ZNF638: variants seen among roughly 807,000 people sequenced by gnomAD.
ZNF638 encodes zinc finger protein 638, also known as CTCL tumor antigen se33-1.
In ZNF638, 46 loss-of-function variants were observed where a neutral mutation model predicts 195.6. That is an observed-to-expected ratio of 0.24 (90% CI 0.19 to 0.30). The LOEUF (loss-of-function observed/expected upper bound fraction) is 0.30, where lower values mean the gene tolerates loss of function less well. Among genes scored for constraint, ZNF638 ranks in the 10% least tolerant of loss-of-function variants. The pLI, the probability that ZNF638 is intolerant of heterozygous loss-of-function variation, is 1.00. For synonymous variants in ZNF638, 845 were observed against 772.0 expected, an observed-to-expected ratio of 1.09 and a Z score of -1.57; for missense variants, 2,440 against 2,325.3, an observed-to-expected ratio of 1.05 and a Z score of -1.01.
At chr2:71,335,817 CAG>C (rs1439268827) in intron 1 of ZNF638, among the ~76,000 whole-genome samples, 2 of 152,156 alleles carry the variant, frequency 1.3e-5, no homozygotes, top group African/African-American at 4.8e-5. Flanking sequence ...GATATTCAGA[CAG>C]ATATCAAATT....
At chr2:71,383,077 C>G (rs1054015824) in intron 10 of ZNF638, among the ~76,000 whole-genome samples, 5 of 152,204 alleles carry the variant, frequency 3.3e-5, no homozygotes, top group Admixed American at 1.3e-4. Context: ...AATCCCAGCA[C>G]TTTGGGAGTT....
chr2:71,427,850 C>G (rs928011569), intron 24 of ZNF638, among the ~76,000 whole-genome samples: 12 of 152,200 alleles, frequency 7.9e-5, no homozygotes, highest in African/African-American at 2.9e-4. Context: ...CAGAATAGTA[C>G]GGCAGCTCAC....
intron 25 of ZNF638, chr2:71,431,053 A>T (rs532127111): frequency 1.5e-5 from 4 of 271,736 alleles, no homozygotes; most frequent in Non-Finnish European, 2.9e-5. Flanking sequence ...CAGTAATGAT[A>T]GGACTTGTAT....
chr2:71,361,896 C>CT lies in ZNF638; in HGVS notation c.1380-1256dup, dbSNP rs551085220. ...TGTGGGGTTAGCTCATTAACAATGT[C>CT]TGAGGCAAATAGCAACCAAGACAAA... is the stretch of plus-strand genomic sequence containing the variant. On this transcript the variant is annotated intron_variant, in intron 3 of 27. Coordinates refer to ENST00000264447, the MANE Select transcript of ZNF638 (RefSeq NM_014497.5). Among the ~76,000 whole-genome samples, 5 of 152,294 alleles carry CT rather than the reference C, an allele frequency of 3.3e-5. No individual in the cohort carries two copies. In the South Asian group the frequency reaches 1.0e-3, roughly 32 times the overall value.
In ZNF638 at chr2:71,359,308, A is replaced by G. The variant is rs370912525; in HGVS notation, c.1379+3528A>G. On this transcript the variant is annotated intron_variant, in intron 3 of 27. Transcript: ENST00000264447. ...ATAGCATAATTCTCAGTCTGAGGCA[A>G]AAGGCCCTATAGCCCCAGGAGCCTG... Among the ~76,000 whole-genome samples the G allele has an allele frequency of 3.9e-5, 6 of 152,206 alleles. No individual in the cohort carries two copies. The South Asian group carries it at 8.3e-4, about 21-fold the overall frequency.
intron 23 of ZNF638, among the ~76,000 whole-genome samples, chr2:71,425,804 G>C (rs1348369412): frequency 3.3e-5 from 5 of 151,812 alleles, no homozygotes; most frequent in African/African-American, 2.4e-5. Flanking sequence ...CGAGTAGCTG[G>C]GTGGCATCTG....
intron 10 of ZNF638, 183 bp downstream of exon 10, chr2:71,380,748 T>G: frequency 2.2e-6 from 1 of 447,098 alleles, no homozygotes; most frequent in Non-Finnish European, 3.9e-6. Context: ...ACAGAATCAC[T>G]TCTGGAGTAA....
chr2:71,408,340 TAG>T, intron 20 of ZNF638, 93 bp downstream of exon 20: 1 of 1,390,598 alleles, frequency 7.2e-7, no homozygotes, highest in Non-Finnish European at 9.6e-7. Flanking sequence ...TTTCTGTGTT[TAG>T]AGATGATTTT....
chr2:71,390,021 C>G (rs998590196), intron 10 of ZNF638, among the ~76,000 whole-genome samples: 1 of 152,192 alleles, frequency 6.6e-6, no homozygotes. Flanking sequence ...AAATTGTTTT[C>G]TGTGTGGAGA....
Position 71,423,369 on chromosome 2 carries a change from A to AGGG in ZNF638, c.3857_3858insGGG (p.Gly1286dup). The AGGG allele has an allele frequency of 6.2e-7, 1 of 1,613,996 alleles. No individual in the cohort carries two copies. Among genetic ancestry groups the AGGG allele is most frequent in the South Asian group, 1.1e-5 (1 of 91,074 alleles). ...CAACTTGTATTGTGACGTTAGTACC[A>AGGG]GGAATTCCCACTGGGGATGAGAAGA... On this transcript the variant is annotated inframe_insertion, in exon 22 of 28. Transcript: ENST00000264447.
rs796902197 is a variant in ZNF638 at position 71,403,394 on chromosome 2, G to A, written c.2830-476G>A. 2.0e-4 allele frequency among the ~76,000 whole-genome samples: 31 copies of A among 152,196 alleles called. 1 individual carries two copies. The highest frequency in any genetic ancestry group is 7.5e-4 in the African/African-American group (31 of 41,556). Reference sequence around the variant, plus strand: ...GAAAATTAAAAGCAAAATGTATGGAGCTACAGTTTTACACCTATGAAAATA... The same window carrying A: ...GAAAATTAAAAGCAAAATGTATGGAACTACAGTTTTACACCTATGAAAATA... On this transcript the variant is annotated intron_variant, in intron 16 of 27. Coordinates refer to ENST00000264447, the MANE Select transcript of ZNF638 (RefSeq NM_014497.5).
rs1325361624 is a variant in ZNF638, at chr2:71,350,086, G to A, written c.1132G>A (p.Asp378Asn). The A allele has an allele frequency of 1.9e-6, 3 of 1,614,006 alleles. No individual in the cohort carries two copies. Among genetic ancestry groups the A allele is most frequent in the Non-Finnish European group, 1.7e-6 (2 of 1,180,050 alleles). The change falls in exon 2 of 28, where the codon GAC becomes AAC. Residue 378 changes from aspartate (D) to asparagine (N), a missense_variant. Transcript: ENST00000264447. ...TAAAAAGAATTACCAGTCACAGGCT[G>A]ACATTCCCATTCGGTCTCCCTTTGG... ...GSKKNYQSQADIPIRSPFGIV... is the reference protein window; with the variant it reads ...GSKKNYQSQANIPIRSPFGIV...
intron 20 of ZNF638, 53 bp from the exon 21 acceptor site, chr2:71,418,549 A>G: frequency 7.9e-7 from 1 of 1,262,200 alleles, no homozygotes; most frequent in Non-Finnish European, 1.1e-6. Flanking sequence ...TTTATAGTTA[A>G]ATATTTCAAA....
intron 10 of ZNF638, among the ~76,000 whole-genome samples, chr2:71,393,870 A>G (rs536206932): frequency 2.6e-5 from 4 of 152,284 alleles, no homozygotes; most frequent in South Asian, 4.1e-4. Context: ...CTAAGGTGCC[A>G]GGTAACACTA....
Position 71,427,054 on chromosome 2 carries a change from G to T in ZNF638, c.5185G>T (p.Asp1729Tyr). 1 of 1,613,990 alleles carries T rather than the reference G, an allele frequency of 6.2e-7. No homozygotes were observed. The highest frequency in any genetic ancestry group is 8.5e-7 in the Non-Finnish European group (1 of 1,179,962). The stretch of plus-strand genomic sequence containing the variant: ...CTTCATTTCTTCTCAGGTGCCCGAA[G>T]ACCCTTCTACTTTAGTTACTGTAGA... The part of the protein sequence containing the change: ...IGFISSQVPE[D>Y]PSTLVTVDEI... The change falls in exon 24 of 28, where the codon GAC (aspartate) becomes TAC (tyrosine). Residue 1729 changes from aspartate to tyrosine, a missense_variant. Physicochemically the swap from Asp to Tyr is radical, Grantham distance 160 (BLOSUM62 -3). This residue lies in a region of ZNF638 where 1,883 missense variants were observed against 1,739.1 expected (regional missense o/e 1.08). Transcript: ENST00000264447.
intron 8 of ZNF638, among the ~76,000 whole-genome samples, chr2:71,371,991 C>A (rs1445134752): frequency 6.6e-6 from 1 of 152,070 alleles, no homozygotes; most frequent in African/African-American, 2.4e-5. Context: ...AGACTGATGT[C>A]CTGGAGAGAG....
chr2:71,408,750 C>T lies in ZNF638; in HGVS notation c.3261+503C>T, dbSNP rs767116292. On this transcript the variant is annotated intron_variant, in intron 20 of 27. Transcript: ENST00000264447. The stretch of plus-strand genomic sequence containing the variant: ...AAATTCAAACTCAATCTATTTTCTC[C>T]TTCTATTCCATTGTATGCTGATATC... 47 of 453,084 alleles carry T rather than the reference C, an allele frequency of 1.0e-4. 1 individual carries two copies. Among genetic ancestry groups the T allele is most frequent in the Non-Finnish European group, 2.7e-5 (6 of 222,218 alleles). The allele number at this position is 453,084 out of a possible 1,614,324, so 28.1% of individuals were successfully genotyped here.
chr2:71,434,380 A>C (rs1417776950), intron 27 of ZNF638, among the ~76,000 whole-genome samples: 1 of 152,182 alleles, frequency 6.6e-6, no homozygotes, highest in Non-Finnish European at 1.5e-5. Context: ...TAGAACCCCC[A>C]AAAAAGTTCA....
chr2:71,366,832 T>C (rs994867873), intron 6 of ZNF638, among the ~76,000 whole-genome samples: 6 of 152,216 alleles, frequency 3.9e-5, no homozygotes, highest in African/African-American at 1.4e-4. Context: ...TGTAACCTAC[T>C]GGTTACGATA....
Sources: gnomAD v4.1 joint callset for allele counts (sites outside exome capture counted in the v4.1 genomes callset) on GRCh38, gnomAD v4.1.1 for gene constraint, gnomAD v4.1.1 regional missense constraint, MANE v1.5 for transcripts, NCBI Gene and HGNC (gene_info 2026-07-23, HGNC 2026-07-21) for gene names.